Variants in ARID2 observed in about 807,000 individuals in gnomAD.
ARID2 encodes AT-rich interaction domain 2.
In ARID2, 32 loss-of-function variants were observed where a neutral mutation model predicts 184.6. That is an observed-to-expected ratio of 0.17 (90% CI 0.13 to 0.23). ARID2 has a LOEUF of 0.23. Ranked by LOEUF, ARID2 falls within the 10% of genes least tolerant of loss-of-function variation. The pLI is 1.00. For missense variants in ARID2, 1,696 were observed against 2,197.6 expected, an observed-to-expected ratio of 0.77 and a Z score of 4.56; for synonymous variants, 836 against 772.6, an observed-to-expected ratio of 1.08 and a Z score of -1.36.
At chr12:45,791,204 CTGTG>C (rs143314237) in intron 3 of ARID2, among the ~76,000 whole-genome samples, 8,445 of 147,478 alleles carry the variant, frequency 0.057, 716 homozygotes, top group African/African-American at 0.18. Flanking sequence ...AGCACATTTT[CTGTG>C]TGTGTGTGTG....
chr12:45,863,751 A>G (rs1477570459), intron 16 of ARID2, among the ~76,000 whole-genome samples: 5 of 151,932 alleles, frequency 3.3e-5, no homozygotes, highest in African/African-American at 9.7e-5. Flanking sequence ...TTGAGTATAC[A>G]TTTAACCTGT....
At chr12:45,737,593 A>C (rs992717888) in intron 3 of ARID2, among the ~76,000 whole-genome samples, 4 of 151,436 alleles carry the variant, frequency 2.6e-5, no homozygotes, top group African/African-American at 9.7e-5. Flanking sequence ...TGAGGCATAT[A>C]ATGTTTAGTT....
intron 3 of ARID2, among the ~76,000 whole-genome samples, chr12:45,750,685 CTTGG>C (rs1183309006): frequency 6.6e-6 from 1 of 152,136 alleles, no homozygotes; most frequent in African/African-American, 2.4e-5. Flanking sequence ...GATGTGATTA[CTTGG>C]TTGGAGACAT....
chr12:45,899,610 T>A (rs571073983), intron 20 of ARID2, among the ~76,000 whole-genome samples: 2 of 147,160 alleles, frequency 1.4e-5, no homozygotes, highest in African/African-American at 5.0e-5. Context: ...CATCTCAAAA[T>A]ATATATATAT....
At chr12:45,854,268 A>G (rs1283202939) in intron 15 of ARID2, among the ~76,000 whole-genome samples, 1 of 152,182 alleles carries the variant, frequency 6.6e-6, no homozygotes. Context: ...ATTATATATT[A>G]CAGTGTAATA....
chr12:45,865,001 A>G (rs1021184436), intron 16 of ARID2, among the ~76,000 whole-genome samples: 1 of 152,162 alleles, frequency 6.6e-6, no homozygotes, highest in African/African-American at 2.4e-5. Context: ...AGGAATTTAA[A>G]CATATTTGAG....
At chr12:45,904,475 A>C (rs1393445462) in intron 20 of ARID2, 1 of 581,936 alleles carries the variant, frequency 1.7e-6, no homozygotes, top group Non-Finnish European at 3.1e-6. Flanking sequence ...GGTGGATCAC[A>C]AGGTCAAGAG....
At chr12:45,859,462 G>A (rs965468090) in intron 15 of ARID2, among the ~76,000 whole-genome samples, 2 of 152,122 alleles carry the variant, frequency 1.3e-5, no homozygotes, top group African/African-American at 2.4e-5. Flanking sequence ...AGTGATGCAC[G>A]ACTGCATTAC....
chr12:45,748,789 T>G (rs1941406931), intron 3 of ARID2, among the ~76,000 whole-genome samples: 1 of 152,216 alleles, frequency 6.6e-6, no homozygotes, highest in East Asian at 1.9e-4. Context: ...ACATTCTATC[T>G]CAATAAACCA....
At chr12:45,901,391 C>T (rs554749171) in intron 20 of ARID2, among the ~76,000 whole-genome samples, 33 of 151,658 alleles carry the variant, frequency 2.2e-4, no homozygotes, top group African/African-American at 8.0e-4. Flanking sequence ...AGGATGGTCT[C>T]GATCTCCTGA....
intron 3 of ARID2, among the ~76,000 whole-genome samples, chr12:45,810,371 ATAAATT>A (rs1226719492): frequency 6.6e-6 from 1 of 152,200 alleles, no homozygotes; most frequent in African/African-American, 2.4e-5. Context: ...ACACTGTCTT[ATAAATT>A]GGTCAAAATG....
At chr12:45,808,395 T>C (rs1469780800) in intron 3 of ARID2, among the ~76,000 whole-genome samples, 1 of 152,164 alleles carries the variant, frequency 6.6e-6, no homozygotes, top group East Asian at 1.9e-4. Flanking sequence ...AGTACTGGTC[T>C]TCAAGCCAGG....
At chr12:45,737,649 A>C (rs1330017534) in intron 3 of ARID2, among the ~76,000 whole-genome samples, 7 of 152,016 alleles carry the variant, frequency 4.6e-5, no homozygotes, top group Admixed American at 2.6e-4. Context: ...TTTAGGTATT[A>C]ATAATTTGAT....
chr12:45,811,693 C>T, intron 4 of ARID2, 142 bp downstream of exon 4: 1 of 844,654 alleles, frequency 1.2e-6, no homozygotes, highest in East Asian at 3.1e-5. Context: ...AGATTGACAT[C>T]TAATTGGTAT....
Position 45,770,882 on chromosome 12 carries a change from A to G in ARID2, c.284+39568A>G, listed in dbSNP as rs150146253. Among the ~76,000 whole-genome samples, 220 of 152,286 alleles carry G rather than the reference A, an allele frequency of 1.4e-3. 2 individuals are homozygous for G. The East Asian group carries it at 0.015, about 11-fold the overall frequency. Reference sequence around the variant, plus strand: ...GTTCTCAATCCAGTCCATGGATTTGACTTGTAGCTTGGCTTTCAGGCTTTA... The same window carrying G: ...GTTCTCAATCCAGTCCATGGATTTGGCTTGTAGCTTGGCTTTCAGGCTTTA... On this transcript the variant is annotated intron_variant, in intron 3 of 20. Coordinates refer to ENST00000334344, the MANE Select transcript of ARID2 (RefSeq NM_152641.4).
rs370450430 is a variant in ARID2 at position 45,785,764 on chromosome 12, A to C, written c.285-25654A>C. 2.2e-3 allele frequency among the ~76,000 whole-genome samples: 342 copies of C among 152,302 alleles called. 12 individuals are homozygous for C. In the South Asian group the frequency reaches 0.067, roughly 30 times the overall value. ...AAATCCAAAAAAATTCAAAATCTGA[A>C]ATAGTTTTGGTCCTAAGCATTTTGG... On this transcript the variant is annotated intron_variant, in intron 3 of 20. Transcript: ENST00000334344.
At chr12:45,809,266 T>C (rs543858866) in intron 3 of ARID2, among the ~76,000 whole-genome samples, 1 of 152,384 alleles carries the variant, frequency 6.6e-6, no homozygotes, top group Admixed American at 6.5e-5. Flanking sequence ...TAAAATACCT[T>C]TATGAATACT....
At chr12:45,819,015 G>A (rs775818467) in intron 5 of ARID2, among the ~76,000 whole-genome samples, 1 of 151,996 alleles carries the variant, frequency 6.6e-6, no homozygotes, top group Non-Finnish European at 1.5e-5. Flanking sequence ...TTTGATTTCC[G>A]TTATTCTATT....
chr12:45,899,717 A>G (rs1944429317), intron 20 of ARID2, among the ~76,000 whole-genome samples: 1 of 144,422 alleles, frequency 6.9e-6, no homozygotes, highest in Non-Finnish European at 1.5e-5. Context: ...ATGGTTATAT[A>G]TATATGGTTA....
Sources: gnomAD v4.1 joint callset for allele counts (sites outside exome capture counted in the v4.1 genomes callset) on GRCh38, gnomAD v4.1.1 for gene constraint, MANE v1.5 for transcripts, NCBI Gene and HGNC (gene_info 2026-07-23, HGNC 2026-07-21) for gene names.